The following EIF3E variants were observed in gnomAD, a reference collection of about 807,000 sequenced individuals.
EIF3E encodes the protein eukaryotic translation initiation factor 3 subunit E.
Under a neutral mutation model 59.3 loss-of-function variants are expected in EIF3E, and 25 were observed. The observed-to-expected ratio is 0.42, with a 90% CI of 0.31 to 0.59. The LOEUF is 0.59. Among genes scored for constraint, EIF3E ranks in the 20% least tolerant of loss-of-function variants. The pLI, the probability that EIF3E is intolerant of heterozygous loss-of-function variation, is 0.15. For synonymous variants in EIF3E, 176 were observed against 170.2 expected (o/e 1.03, Z -0.26); for missense variants, 317 against 534.3 (o/e 0.59, Z 4.01).
Position 108,216,518 on chromosome 8 carries a change from A to G in EIF3E, c.850-5T>C, listed in dbSNP as rs754725464. ...GTCTTTATATGTGTAAGACTCCTGT[A>G]AAAATAAGTCAACGGTCAAGGTAAG... is the stretch of plus-strand genomic sequence containing the variant. On this transcript the variant is annotated splice_polypyrimidine_tract_variant and splice_region_variant and intron_variant, in intron 8 of 12. Coordinates refer to ENST00000220849, the MANE Select transcript of EIF3E (RefSeq NM_001568.3). 6.3e-7 allele frequency: 1 copy of G among 1,581,962 alleles called. No individual in the cohort carries two copies.
intron 12 of EIF3E, among the ~76,000 whole-genome samples, chr8:108,202,239 G>C (rs1169790699): frequency 6.6e-6 from 1 of 151,982 alleles, no homozygotes. Context: ...TTACTTTCTA[G>C]GCTCAGTTAT....
chr8:108,242,148 T>C (rs778720062), intron 1 of EIF3E: 1 of 1,381,370 alleles, frequency 7.2e-7, no homozygotes. Flanking sequence ...ACTGTAGACA[T>C]TCCCACCTAC....
intron 3 of EIF3E, among the ~76,000 whole-genome samples, chr8:108,238,629 T>C (rs1815780652): frequency 6.6e-6 from 1 of 152,218 alleles, no homozygotes; most frequent in South Asian, 2.1e-4. Flanking sequence ...CATTTGTATG[T>C]AGTATATGTC....
chr8:108,236,167 C>G lies in EIF3E; in HGVS notation c.360G>C (p.Lys120Asn). The G allele has an allele frequency of 6.2e-7, 1 of 1,610,338 alleles. No homozygotes were observed. Among genetic ancestry groups the G allele is most frequent in the Non-Finnish European group, 8.5e-7 (1 of 1,178,450 alleles). Reference protein sequence around the residue: ...GRMLFDYLADKHGFRQEYLDT... With the variant: ...GRMLFDYLADNHGFRQEYLDT... ...ATATTTTTAAAACACTTACACCATG[C>G]TTGTCCGCCAGGTAGTCAAAGAGCA... Residue 120 changes from lysine to asparagine, a missense_variant, in exon 4 of 13, where the codon AAG becomes AAC. This residue lies in a region of EIF3E where 242 missense variants were observed against 398.0 expected (regional missense o/e 0.61). Coordinates refer to ENST00000220849, the MANE Select transcript of EIF3E (RefSeq NM_001568.3).
intron 10 of EIF3E, among the ~76,000 whole-genome samples, chr8:108,207,517 T>C (rs919980919): frequency 6.6e-6 from 1 of 152,164 alleles, no homozygotes; most frequent in African/African-American, 2.4e-5. Flanking sequence ...TTCAATTTAT[T>C]AATAAACTAA....
chr8:108,210,030 TAAAC>T (rs1389152884), intron 10 of EIF3E, among the ~76,000 whole-genome samples: 8 of 143,752 alleles, frequency 5.6e-5, no homozygotes, highest in Middle Eastern at 7.2e-3. Context: ...CATCTCAAAA[TAAAC>T]AGTTTAACTT....
At chr8:108,222,825 T>G (rs1421863694) in intron 7 of EIF3E, among the ~76,000 whole-genome samples, 1 of 132,358 alleles carries the variant, frequency 7.6e-6, no homozygotes, top group Non-Finnish European at 1.6e-5. Flanking sequence ...TCAAATTTTC[T>G]TAGTTTTTTT....
chr8:108,203,557 T>A, intron 10 of EIF3E, 54 bp from the exon 11 acceptor site: 1 of 1,424,020 alleles, frequency 7.0e-7, no homozygotes, highest in Non-Finnish European at 9.9e-7. Context: ...AAAACTTAGT[T>A]TTATGTACAC....
chr8:108,206,817 T>C (rs1433562912), intron 10 of EIF3E, among the ~76,000 whole-genome samples: 1 of 151,986 alleles, frequency 6.6e-6, no homozygotes, highest in Non-Finnish European at 1.5e-5. Flanking sequence ...TAAAAAAAAA[T>C]TCCATCTTAT....
intron 1 of EIF3E, among the ~76,000 whole-genome samples, chr8:108,245,320 T>A (rs1815927309): frequency 6.6e-6 from 1 of 151,914 alleles, no homozygotes. Context: ...ACAAAAAAAA[T>A]CAGCCGGACA....
chr8:108,220,068 G>A (rs1287159350), intron 7 of EIF3E, among the ~76,000 whole-genome samples: 20 of 151,916 alleles, frequency 1.3e-4, no homozygotes, highest in African/African-American at 4.6e-4. Flanking sequence ...ACTTGAACCC[G>A]GGAGGTGGAG....
At position 108,235,091 on chromosome 8, in the gene EIF3E, T is replaced by C. The variant is rs770815070; in HGVS notation, c.378A>G (p.Glu126=). ...YLADKHGFRQ[E]YLDTLYRYAK... is the part of the protein sequence containing the mutation. The stretch of plus-strand genomic sequence containing the variant: ...CATATCTGTAGAGTGTATCTAAATA[T>C]TCCTGCCTAAACTAAAAAGAAAAAA... Residue 126 remains glutamate (E), a synonymous_variant, in exon 5 of 13, where the codon GAA becomes GAG. Transcript: ENST00000220849. 63 of 1,552,008 alleles carry C rather than the reference T, an allele frequency of 4.1e-5. No homozygotes were observed. The highest frequency in any genetic ancestry group is 6.6e-5 in the Admixed American group (3 of 45,298).
chr8:108,239,438 C>T (rs1405479310), intron 3 of EIF3E, among the ~76,000 whole-genome samples: 3 of 152,090 alleles, frequency 2.0e-5, no homozygotes, highest in African/African-American at 2.4e-5. Flanking sequence ...CTAGGCTCAA[C>T]GGATTCACTT....
chr8:108,215,469 T>A (rs1039516822), intron 9 of EIF3E, among the ~76,000 whole-genome samples: 2 of 151,842 alleles, frequency 1.3e-5, no homozygotes, highest in Admixed American at 1.3e-4. Flanking sequence ...ATACAAAAAA[T>A]TAACCGGGCG....
intron 10 of EIF3E, among the ~76,000 whole-genome samples, chr8:108,205,281 A>T (rs530417964): frequency 6.6e-6 from 1 of 152,174 alleles, no homozygotes; most frequent in Non-Finnish European, 1.5e-5. Context: ...TATCTTCCTC[A>T]TTCACTGCCG....
At chr8:108,235,193 A>G in intron 4 of EIF3E, 91 bp from the exon 5 acceptor site, 1 of 672,194 alleles carries the variant, frequency 1.5e-6, no homozygotes, top group South Asian at 3.1e-5. Flanking sequence ...AAAACTATGA[A>G]TGTTTAAGTC....
At position 108,217,320 on chromosome 8, in the gene EIF3E, T is replaced by C. The variant is rs940848665; in HGVS notation, c.849+14A>G. ...GTATTTAAAAAAAAAAATCAATATA[T>C]ATTTTAGTTTTACCTGTTGAATAAC... On this transcript the variant is annotated intron_variant, in intron 8 of 12. Coordinates refer to ENST00000220849, the MANE Select transcript of EIF3E (RefSeq NM_001568.3). The C allele has an allele frequency of 1.3e-6, 2 of 1,515,096 alleles. No individual in the cohort carries two copies. The highest frequency in any genetic ancestry group is 1.8e-6 in the Non-Finnish European group (2 of 1,132,204). 93.9% of individuals were successfully genotyped at this position (1,515,096 alleles called of 1,614,324 possible). A position where few individuals can be genotyped will look rare whatever the true frequency, so the allele number is the denominator to read the frequency against.
At chr8:108,213,638 G>A (rs967573924) in intron 10 of EIF3E, among the ~76,000 whole-genome samples, 3 of 151,976 alleles carry the variant, frequency 2.0e-5, no homozygotes, top group African/African-American at 7.3e-5. Flanking sequence ...ACTATCCACC[G>A]GAGCCCCACA....
intron 7 of EIF3E, among the ~76,000 whole-genome samples, chr8:108,218,577 C>A (rs1293929720): frequency 6.6e-6 from 1 of 152,070 alleles, no homozygotes; most frequent in Non-Finnish European, 1.5e-5. Flanking sequence ...TAAATAATTT[C>A]TAGGAAAAGA....
Sources: allele counts gnomAD v4.1 joint callset (sites outside exome capture counted in the v4.1 genomes callset), GRCh38; gene constraint gnomAD v4.1.1; regional missense constraint gnomAD v4.1.1; transcripts MANE v1.5; gene names NCBI Gene and HGNC (gene_info 2026-07-23, HGNC 2026-07-21).